Variants in PRKG1 observed in about 807,000 individuals in gnomAD.
PRKG1 encodes cGMP-dependent protein kinase 1.
A neutral mutation model predicts 88.1 loss-of-function variants in PRKG1; 35 were observed. The ratio of observed to expected loss-of-function variants is 0.40; its 90% confidence interval spans 0.30 to 0.53. The LOEUF is 0.53. PRKG1 is among the 20% of genes least tolerant of loss of function. The pLI is 0.59. For missense variants in PRKG1, 540 were observed against 839.8 expected (o/e 0.64, Z 4.41); for synonymous variants, 303 against 292.5 (o/e 1.04, Z -0.37).
intron 3 of PRKG1, among the ~76,000 whole-genome samples, chr10:51,603,227 G>A (rs1838664098): frequency 6.6e-6 from 1 of 152,060 alleles, no homozygotes; most frequent in Non-Finnish European, 1.5e-5. Flanking sequence ...CAAAGTGCTG[G>A]TATTTCAGGC....
chr10:51,541,795 A>G (rs1842310440), intron 3 of PRKG1, among the ~76,000 whole-genome samples: 1 of 152,202 alleles, frequency 6.6e-6, no homozygotes, highest in African/African-American at 2.4e-5. Context: ...TTGCTCAGAA[A>G]TATCATTTAA....
chr10:51,545,582 CA>C (rs1420784146), intron 3 of PRKG1, among the ~76,000 whole-genome samples: 1 of 152,100 alleles, frequency 6.6e-6, no homozygotes, highest in Non-Finnish European at 1.5e-5. Context: ...CACAGAAGAA[CA>C]GCAGCAAAGT....
intron 2 of PRKG1, among the ~76,000 whole-genome samples, chr10:51,341,912 A>T (rs2132548641): frequency 6.6e-6 from 1 of 152,284 alleles, no homozygotes; most frequent in African/African-American, 2.4e-5. Context: ...TTGTAAAACC[A>T]TCAGATCTTG....
intron 3 of PRKG1, among the ~76,000 whole-genome samples, chr10:51,699,943 C>G (rs977839813): frequency 2.8e-4 from 43 of 152,244 alleles, no homozygotes; most frequent in Non-Finnish European, 1.2e-4. Flanking sequence ...GTTTTGCTTC[C>G]GTTCCGCTGG....
chr10:51,270,482 C>T (rs1028979563), intron 2 of PRKG1, among the ~76,000 whole-genome samples: 3 of 151,868 alleles, frequency 2.0e-5, no homozygotes, highest in African/African-American at 7.3e-5. Context: ...ATAAAATTTC[C>T]AAGCCATTCA....
At chr10:51,811,886 T>C (rs1043941259) in intron 4 of PRKG1, among the ~76,000 whole-genome samples, 8 of 152,206 alleles carry the variant, frequency 5.3e-5, no homozygotes, top group African/African-American at 1.7e-4. Flanking sequence ...TCTCACCTGA[T>C]GCTCATGCAG....
chr10:52,022,419 T>A (rs1845209753), intron 5 of PRKG1, among the ~76,000 whole-genome samples: 1 of 152,212 alleles, frequency 6.6e-6, no homozygotes, highest in African/African-American at 2.4e-5. Flanking sequence ...GTGTTGCAGA[T>A]TTGGTACTCT....
At chr10:51,100,486 T>C (rs1844651501) in intron 1 of PRKG1, among the ~76,000 whole-genome samples, 1 of 152,200 alleles carries the variant, frequency 6.6e-6, no homozygotes, top group Admixed American at 6.5e-5. Context: ...TTCTACAATG[T>C]CTCCAATATG....
chr10:52,035,978 T>G (rs1447505907), intron 5 of PRKG1, among the ~76,000 whole-genome samples: 1 of 149,644 alleles, frequency 6.7e-6, no homozygotes, highest in Admixed American at 6.6e-5. Context: ...AGGAAAGGAG[T>G]TGTTGTTTTG....
intron 9 of PRKG1, among the ~76,000 whole-genome samples, chr10:52,188,500 G>A (rs1246378106): frequency 1.3e-5 from 2 of 151,238 alleles, no homozygotes; most frequent in East Asian, 3.9e-4. Flanking sequence ...CCACAGGCAT[G>A]TGCCACCATG....
chr10:51,871,424 G>C (rs906621232), intron 4 of PRKG1, among the ~76,000 whole-genome samples: 3 of 152,114 alleles, frequency 2.0e-5, no homozygotes, highest in Admixed American at 2.0e-4. Flanking sequence ...CCATAGCCCT[G>C]TTCCAGCCTG....
At chr10:51,101,174 G>A (rs920144756) in intron 1 of PRKG1, among the ~76,000 whole-genome samples, 3 of 152,054 alleles carry the variant, frequency 2.0e-5, no homozygotes, top group Non-Finnish European at 4.4e-5. Flanking sequence ...GACCTATAAG[G>A]AGATTATTAA....
intron 2 of PRKG1, among the ~76,000 whole-genome samples, chr10:51,218,901 T>C (rs1365284610): frequency 1.3e-5 from 2 of 151,916 alleles, no homozygotes; most frequent in South Asian, 4.2e-4. Context: ...GAAGATAGCA[T>C]AGCAGTCAGA....
At chr10:52,034,938 T>C (rs1016750561) in intron 5 of PRKG1, among the ~76,000 whole-genome samples, 8 of 152,176 alleles carry the variant, frequency 5.3e-5, no homozygotes, top group Non-Finnish European at 1.0e-4. Context: ...TATTGTCCAG[T>C]CCTTTTTAAG....
chr10:51,550,484 G>T (rs1837101066), intron 3 of PRKG1, among the ~76,000 whole-genome samples: 1 of 151,720 alleles, frequency 6.6e-6, no homozygotes, highest in Non-Finnish European at 1.5e-5. Flanking sequence ...TGGTGCTTAT[G>T]GTCATTATTT....
At chr10:51,002,955 C>G (rs1842903798) in intron 1 of PRKG1, among the ~76,000 whole-genome samples, 1 of 152,078 alleles carries the variant, frequency 6.6e-6, no homozygotes, top group African/African-American at 2.4e-5. Context: ...TTTTCATGCC[C>G]TGTTTGACAA....
At position 51,131,370 on chromosome 10, in the gene PRKG1, A is replaced by G. The variant is rs138363151; in HGVS notation, c.312-21794A>G. 2.1e-3 allele frequency among the ~76,000 whole-genome samples: 317 copies of G among 152,348 alleles called. 2 individuals are homozygous for G. The highest frequency in any genetic ancestry group is 7.4e-3 in the African/African-American group (307 of 41,568). On this transcript the variant is annotated intron_variant, in intron 1 of 17. Coordinates refer to ENST00000373980, the MANE Select transcript of PRKG1 (RefSeq NM_006258.4). Reference sequence around the variant, plus strand: ...TAATTATCTCATTGTAAAACTCCACATTAACAGTACTACAGATAACTGTTT... The same window carrying G: ...TAATTATCTCATTGTAAAACTCCACGTTAACAGTACTACAGATAACTGTTT...
chr10:52,079,045 T>C (rs1846702326), intron 7 of PRKG1, among the ~76,000 whole-genome samples: 1 of 152,204 alleles, frequency 6.6e-6, no homozygotes, highest in South Asian at 2.1e-4. Flanking sequence ...CATTAATTGC[T>C]CTTCAAACAG....
At chr10:51,528,749 T>C (rs905372468) in intron 3 of PRKG1, among the ~76,000 whole-genome samples, 4 of 152,066 alleles carry the variant, frequency 2.6e-5, no homozygotes, top group Admixed American at 2.6e-4. Flanking sequence ...GCATTAACCA[T>C]GCAGAGGACA....
Sources: gnomAD v4.1 joint callset for allele counts (sites outside exome capture counted in the v4.1 genomes callset) on GRCh38, gnomAD v4.1.1 for gene constraint, MANE v1.5 for transcripts, NCBI Gene and HGNC (gene_info 2026-07-23, HGNC 2026-07-21) for gene names.